The following DPYD variants were observed in gnomAD, a reference collection of about 807,000 sequenced individuals.
The protein encoded by DPYD is dihydropyrimidine dehydrogenase [NADP(+)].
DPYD carries 109 observed loss-of-function variants against 116.2 expected under a neutral mutation model. The ratio of observed to expected loss-of-function variants is 0.94; its 90% CI spans 0.80 to 1.10. The LOEUF (loss-of-function observed/expected upper bound fraction) is 1.10, where lower values mean the gene tolerates loss of function less well. Among genes scored for constraint, DPYD ranks in the 50% least tolerant of loss-of-function variants. The pLI is 0.00. For missense variants in DPYD, 1,302 were observed against 1,254.5 expected, an observed-to-expected ratio of 1.04 and a Z score of -0.57; for synonymous variants, 440 against 432.0, an observed-to-expected ratio of 1.02 and a Z score of -0.23.
intron 7 of DPYD, among the ~76,000 whole-genome samples, chr1:97,682,012 C>T (rs759032774): frequency 2.0e-5 from 3 of 152,050 alleles, no homozygotes; most frequent in Non-Finnish European, 4.4e-5. Flanking sequence ...TGGGAGAAGG[C>T]ACAATAGTTT....
intron 13 of DPYD, among the ~76,000 whole-genome samples, chr1:97,479,110 CT>C (rs1678159584): frequency 6.6e-6 from 1 of 152,170 alleles, no homozygotes; most frequent in Non-Finnish European, 1.5e-5. Flanking sequence ...GTTTTGATGT[CT>C]TATCATTTAT....
intron 14 of DPYD, among the ~76,000 whole-genome samples, chr1:97,433,334 C>A (rs1675287394): frequency 6.6e-6 from 1 of 152,086 alleles, no homozygotes; most frequent in Non-Finnish European, 1.5e-5. Context: ...GCCTGGGCTT[C>A]TTGGGGTTCT....
intron 18 of DPYD, among the ~76,000 whole-genome samples, chr1:97,263,588 TA>T (rs1043265783): frequency 5.2e-4 from 79 of 152,190 alleles, no homozygotes; most frequent in African/African-American, 1.7e-3. Context: ...GTTGAACCAT[TA>T]AAACAATTAC....
intron 3 of DPYD, among the ~76,000 whole-genome samples, chr1:97,780,540 C>G (rs570430823): frequency 6.6e-6 from 1 of 152,128 alleles, no homozygotes; most frequent in Non-Finnish European, 1.5e-5. Flanking sequence ...AAGCTAGTGC[C>G]ACGTTTAACT....
intron 14 of DPYD, among the ~76,000 whole-genome samples, chr1:97,408,305 T>C (rs1213388165): frequency 1.3e-5 from 2 of 152,198 alleles, no homozygotes; most frequent in East Asian, 3.9e-4. Flanking sequence ...AAATGAGGAC[T>C]GTAATTGTCA....
At chr1:97,427,160 T>C (rs773517245) in intron 14 of DPYD, among the ~76,000 whole-genome samples, 1 of 152,138 alleles carries the variant, frequency 6.6e-6, no homozygotes, top group Non-Finnish European at 1.5e-5. Flanking sequence ...GAGGGCTATA[T>C]ATCCAAAGAT....
chr1:97,719,459 C>CA (rs1662801146), intron 5 of DPYD, among the ~76,000 whole-genome samples: 1 of 151,774 alleles, frequency 6.6e-6, no homozygotes, highest in Non-Finnish European at 1.5e-5. Context: ...CTTTAAAGGT[C>CA]AAAAAACAAT....
intron 16 of DPYD, among the ~76,000 whole-genome samples, chr1:97,308,007 A>G (rs1350051036): frequency 1.3e-5 from 2 of 151,890 alleles, no homozygotes; most frequent in Non-Finnish European, 2.9e-5. Flanking sequence ...TGTCCTGATA[A>G]GAATTACTGA....
chr1:97,177,391 C>T (rs1657358257), intron 20 of DPYD, among the ~76,000 whole-genome samples: 1 of 152,086 alleles, frequency 6.6e-6, no homozygotes, highest in Non-Finnish European at 1.5e-5. Flanking sequence ...TAGTAAATAA[C>T]TCAACTTTAG....
At chr1:97,295,218 T>C (rs1014529670) in intron 18 of DPYD, among the ~76,000 whole-genome samples, 1 of 152,118 alleles carries the variant, frequency 6.6e-6, no homozygotes, top group African/African-American at 2.4e-5. Context: ...TAAGAATGCA[T>C]ACAAAGTGTT....
intron 19 of DPYD, among the ~76,000 whole-genome samples, chr1:97,201,483 TC>T (rs1267413440): frequency 6.6e-6 from 1 of 152,148 alleles, no homozygotes; most frequent in African/African-American, 2.4e-5. Context: ...AATAACAATA[TC>T]CGCCTATGAG....
At chr1:97,614,326 G>T (rs1471347331) in intron 8 of DPYD, among the ~76,000 whole-genome samples, 2 of 152,012 alleles carry the variant, frequency 1.3e-5, no homozygotes, top group African/African-American at 4.8e-5. Flanking sequence ...TGTTTCTGAT[G>T]AATAATTTAA....
chr1:97,194,747 C>A (rs956448602), intron 19 of DPYD, among the ~76,000 whole-genome samples: 1 of 152,120 alleles, frequency 6.6e-6, no homozygotes, highest in Admixed American at 6.6e-5. Flanking sequence ...TTGTGATCCA[C>A]CCGCCTCAGC....
chr1:97,611,005 G>A (rs1324332816), intron 8 of DPYD, among the ~76,000 whole-genome samples: 1 of 150,732 alleles, frequency 6.6e-6, no homozygotes, highest in Non-Finnish European at 1.5e-5. Context: ...GTGTGTGTCT[G>A]TGTACGTATG....
chr1:97,369,324 G>A (rs774714836), intron 16 of DPYD, among the ~76,000 whole-genome samples: 6 of 152,120 alleles, frequency 3.9e-5, no homozygotes, highest in Non-Finnish European at 8.8e-5. Flanking sequence ...AGTGGATTCA[G>A]GTTTGCTTGT....
intron 19 of DPYD, among the ~76,000 whole-genome samples, chr1:97,228,772 A>G (rs1244533271): frequency 6.6e-6 from 1 of 152,176 alleles, no homozygotes; most frequent in East Asian, 1.9e-4. Context: ...TAAATATTGT[A>G]AAACCAGAGA....
chr1:97,702,329 A>G (rs1278557005), intron 5 of DPYD, among the ~76,000 whole-genome samples: 9 of 151,730 alleles, frequency 5.9e-5, no homozygotes, highest in Non-Finnish European at 1.2e-4. Flanking sequence ...CTTAAAACAT[A>G]TGTTTAACGT....
intron 20 of DPYD, among the ~76,000 whole-genome samples, chr1:97,106,098 G>A (rs1211352836): frequency 6.6e-6 from 1 of 152,076 alleles, no homozygotes; most frequent in Non-Finnish European, 1.5e-5. Context: ...AGTGGCAGAA[G>A]GAAGGGTGGA....
chr1:97,231,325 T>A (rs1174434761), intron 19 of DPYD, among the ~76,000 whole-genome samples: 3 of 152,214 alleles, frequency 2.0e-5, no homozygotes, highest in Non-Finnish European at 4.4e-5. Flanking sequence ...ATGGGAATTC[T>A]GGCTCCATTG....
Sources: allele counts gnomAD v4.1 joint callset (sites outside exome capture counted in the v4.1 genomes callset), GRCh38; gene constraint gnomAD v4.1.1; transcripts MANE v1.5; gene names NCBI Gene and HGNC (gene_info 2026-07-23, HGNC 2026-07-21).